KCNIP4: variants seen among roughly 807,000 people sequenced by gnomAD.
The protein encoded by KCNIP4 is potassium voltage-gated channel interacting protein 4.
Under a neutral mutation model 34.0 loss-of-function variants are expected in KCNIP4, and 12 were observed. The ratio of observed to expected loss-of-function variants is 0.35; its 90% CI spans 0.23 to 0.57. KCNIP4 has a LOEUF of 0.57. Ranked by LOEUF, KCNIP4 falls within the 20% of genes least tolerant of loss-of-function variation. KCNIP4 has a pLI of 0.83. For missense variants in KCNIP4, 238 were observed against 311.7 expected (o/e 0.76, Z 1.78); for synonymous variants, 124 against 102.2 (o/e 1.21, Z -1.29).
At chr4:21,527,107 T>TA (rs887824232) in intron 1 of KCNIP4, among the ~76,000 whole-genome samples, 4 of 152,184 alleles carry the variant, frequency 2.6e-5, no homozygotes, top group African/African-American at 9.7e-5. Flanking sequence ...TTACAAGGGT[T>TA]ATGGCATTCA....
intron 1 of KCNIP4, among the ~76,000 whole-genome samples, chr4:21,237,690 A>C (rs1185215884): frequency 3.9e-5 from 6 of 152,334 alleles, no homozygotes; most frequent in South Asian, 4.1e-4. Context: ...GAAAAAGTTG[A>C]ATCTCTGAAT....
At chr4:21,218,721 G>C (rs1371527219) in intron 1 of KCNIP4, among the ~76,000 whole-genome samples, 1 of 152,152 alleles carries the variant, frequency 6.6e-6, no homozygotes, top group African/African-American at 2.4e-5. Flanking sequence ...GATTCATCTA[G>C]AATTTGAGAT....
At chr4:21,893,316 T>A (rs1340411198) in intron 1 of KCNIP4, among the ~76,000 whole-genome samples, 1 of 152,192 alleles carries the variant, frequency 6.6e-6, no homozygotes, top group South Asian at 2.1e-4. Flanking sequence ...GGTTTTATTT[T>A]CCCTCCACTT....
At chr4:21,683,446 A>ATTTTTTTTTTTTTTTTTTTTTTTTTTTTT (rs71191533) in intron 1 of KCNIP4, among the ~76,000 whole-genome samples, 2 of 46,614 alleles carry the variant, frequency 4.3e-5, no homozygotes, top group Non-Finnish European at 4.2e-5. Context: ...GTGAAGCCAG[A>ATTTTTTTTTTTTTTTTTTTTTTTTTTTTT]TTTTTTTTTT....
chr4:20,995,867 A>G (rs1281438589), intron 1 of KCNIP4, among the ~76,000 whole-genome samples: 1 of 152,212 alleles, frequency 6.6e-6, no homozygotes, highest in African/African-American at 2.4e-5. Flanking sequence ...CTTACAGCCC[A>G]GAAGAAAAGG....
At chr4:21,842,545 G>C (rs941331114) in intron 1 of KCNIP4, among the ~76,000 whole-genome samples, 1 of 151,914 alleles carries the variant, frequency 6.6e-6, no homozygotes, top group African/African-American at 2.4e-5. Flanking sequence ...ATGTACAAAG[G>C]CTGTATTTTA....
intron 2 of KCNIP4, among the ~76,000 whole-genome samples, chr4:20,854,317 G>A (rs1577256476): frequency 6.6e-6 from 1 of 152,102 alleles, no homozygotes; most frequent in African/African-American, 2.4e-5. Context: ...GCCACAAAAA[G>A]GAAAGAATTA....
rs114905533 is a variant in KCNIP4 at position 21,899,332 on chromosome 4, G to A, written c.61+49239C>T. 7.7e-3 allele frequency among the ~76,000 whole-genome samples: 1,176 copies of A among 152,188 alleles called. 15 individuals are homozygous for A. Among genetic ancestry groups the A allele is most frequent in the African/African-American group, 0.027 (1,114 of 41,530 alleles). ...AGAACAAATCCCCAGATGGTATCAC[G>A]CTGAATGGAGAAAAACTGAAAGCTT... On this transcript the variant is annotated intron_variant, in intron 1 of 8. Transcript: ENST00000382152.
At chr4:20,882,834 G>T (rs1350048341) in intron 1 of KCNIP4, 125 bp from the exon 2 acceptor site, 2 of 634,420 alleles carry the variant, frequency 3.2e-6, no homozygotes, top group Admixed American at 2.8e-5. Context: ...GGCAATCACA[G>T]GCAGTGGGTT....
At chr4:21,458,819 G>A (rs1729197109) in intron 1 of KCNIP4, among the ~76,000 whole-genome samples, 1 of 152,030 alleles carries the variant, frequency 6.6e-6, no homozygotes, top group African/African-American at 2.4e-5. Context: ...GAAGCAATCA[G>A]AAGAGAACTT....
rs144453820 is a variant in KCNIP4 at position 21,136,077 on chromosome 4, C to T, written c.62-253368G>A. On this transcript the variant is annotated intron_variant, in intron 1 of 8. Transcript: ENST00000382152. ...TATGTAGATATCTGGAGAAAGTTGTCTTTAGAGCTGTTCTTAGCTCTGACA... is the reference window on the plus strand; with the variant it reads ...TATGTAGATATCTGGAGAAAGTTGTTTTTAGAGCTGTTCTTAGCTCTGACA... 1.6e-3 allele frequency among the ~76,000 whole-genome samples: 251 copies of T among 152,238 alleles called. 2 individuals are homozygous for T. Among genetic ancestry groups the T allele is most frequent in the Non-Finnish European group, 2.4e-3 (161 of 68,008 alleles).
chr4:21,512,507 A>T lies in KCNIP4; in HGVS notation c.61+436064T>A, dbSNP rs184110742. On this transcript the variant is annotated intron_variant, in intron 1 of 8. Coordinates refer to ENST00000382152, the MANE Select transcript of KCNIP4 (RefSeq NM_025221.6). ...GTAAAAGATGACAAAAAAAAAATCT[A>T]AGAAACTTATGTTTTATTTTGTACT... 8.2e-4 allele frequency among the ~76,000 whole-genome samples: 125 copies of T among 152,292 alleles called. 1 individual carries two copies. Among genetic ancestry groups the T allele is most frequent in the African/African-American group, 2.8e-3 (118 of 41,570 alleles).
At chr4:21,276,859 ATTCCT>A (rs1375307777) in intron 1 of KCNIP4, among the ~76,000 whole-genome samples, 25 of 152,266 alleles carry the variant, frequency 1.6e-4, no homozygotes, top group African/African-American at 6.0e-4. Context: ...TCATCAATTC[ATTCCT>A]TTATTTTAAT....
intron 1 of KCNIP4, among the ~76,000 whole-genome samples, chr4:21,648,006 T>C (rs1747162645): frequency 6.6e-6 from 1 of 150,808 alleles, no homozygotes. Context: ...CCCTAGTAGC[T>C]GGGACTACAG....
intron 1 of KCNIP4, among the ~76,000 whole-genome samples, chr4:21,609,335 T>C (rs1376362357): frequency 6.6e-6 from 1 of 152,174 alleles, no homozygotes; most frequent in Non-Finnish European, 1.5e-5. Context: ...GGAAAATAAA[T>C]TGAAGGGCAT....
intron 1 of KCNIP4, among the ~76,000 whole-genome samples, chr4:20,886,974 A>C (rs1412115421): frequency 6.6e-6 from 1 of 152,180 alleles, no homozygotes; most frequent in Non-Finnish European, 1.5e-5. Flanking sequence ...ATAAAAACAG[A>C]CATTAGGTAG....
intron 1 of KCNIP4, among the ~76,000 whole-genome samples, chr4:21,620,023 T>G (rs993109227): frequency 1.3e-5 from 2 of 152,192 alleles, no homozygotes; most frequent in Admixed American, 1.3e-4. Flanking sequence ...TACTCAATGT[T>G]TTGTGGAAGA....
At chr4:21,903,286 C>G in intron 1 of KCNIP4, among the ~76,000 whole-genome samples, 1 of 152,078 alleles carries the variant, frequency 6.6e-6, no homozygotes, top group East Asian at 1.9e-4. Flanking sequence ...CAGAAGGAAG[C>G]CTTCTTTTTT....
intron 3 of KCNIP4, among the ~76,000 whole-genome samples, chr4:20,836,867 C>G (rs1719095091): frequency 1.5e-5 from 2 of 137,158 alleles, no homozygotes; most frequent in Admixed American, 7.1e-5. Context: ...TCATAGAGTT[C>G]TCTCTTTTTT....
Sources: gnomAD v4.1 joint callset for allele counts (sites outside exome capture counted in the v4.1 genomes callset) on GRCh38, gnomAD v4.1.1 for gene constraint, MANE v1.5 for transcripts, NCBI Gene and HGNC (gene_info 2026-07-23, HGNC 2026-07-21) for gene names.